Variants in EEF2K observed in about 807,000 individuals in gnomAD.
The protein encoded by EEF2K is eukaryotic elongation factor 2 kinase.
A neutral mutation model predicts 93.8 loss-of-function variants in EEF2K; 70 were observed. The ratio of observed to expected loss-of-function variants is 0.75; its 90% CI spans 0.62 to 0.91. The LOEUF is 0.91. Among genes scored for constraint, EEF2K ranks in the 40% least tolerant of loss-of-function variants. The pLI is 0.00. For missense variants in EEF2K, 935 were observed against 972.9 expected (o/e 0.96, Z 0.52); for synonymous variants, 376 against 380.8 (o/e 0.99, Z 0.15).
At chr16:22,259,579 G>A (rs2047442094) in intron 10 of EEF2K, among the ~76,000 whole-genome samples, 1 of 152,152 alleles carries the variant, frequency 6.6e-6, no homozygotes, top group Non-Finnish European at 1.5e-5. Context: ...TATTAAGTGA[G>A]TGGATGTGGC....
At chr16:22,250,733 C>T (rs375930269) in intron 5 of EEF2K, 42 bp downstream of exon 5, 9 of 1,612,934 alleles carry the variant, frequency 5.6e-6, no homozygotes, top group South Asian at 1.1e-5. Context: ...GCCCAGAGTC[C>T]CCCCAGGCTC....
intron 6 of EEF2K, among the ~76,000 whole-genome samples, chr16:22,256,335 T>C (rs1206396003): frequency 1.3e-5 from 2 of 151,972 alleles, no homozygotes; most frequent in Admixed American, 1.3e-4. Context: ...TGGCCTCAGG[T>C]GATCCACACA....
chr16:22,247,341 G>A (rs1341878742), intron 3 of EEF2K, among the ~76,000 whole-genome samples: 1 of 151,338 alleles, frequency 6.6e-6, no homozygotes, highest in Admixed American at 6.6e-5. Flanking sequence ...CCAGCTACTC[G>A]GAAGGCTGGA....
chr16:22,274,688 G>A (rs185842097), intron 16 of EEF2K, among the ~76,000 whole-genome samples: 6 of 152,166 alleles, frequency 3.9e-5, no homozygotes, highest in Admixed American at 3.3e-4. Context: ...GCTCACTGCA[G>A]CCTCTACCTC....
rs546864018 is a variant in EEF2K at position 22,259,856 on chromosome 16, G to C, written c.1232-606G>C. The stretch of plus-strand genomic sequence containing the variant: ...CAATCTCTACCTCCTGGGTTCAAGC[G>C]ATTCTCCTGCCTCAGCCTCCCAAGT... On this transcript the variant is annotated intron_variant, in intron 10 of 17. Transcript: ENST00000263026. Among the ~76,000 whole-genome samples, 3 of 152,010 alleles carry C rather than the reference G, an allele frequency of 2.0e-5. No homozygotes were observed. The South Asian group carries it at 6.2e-4, about 32-fold the overall frequency.
rs1034859782 is a variant in EEF2K at position 22,265,229 on chromosome 16, C to A, written c.1440+349C>A. On this transcript the variant is annotated intron_variant, in intron 13 of 17. Transcript: ENST00000263026. ...AGACAGGCTAATGTGACTCTCATCC[C>A]CATTTTATGTATGAGAAAACTGGGC... The A allele has an allele frequency of 1.5e-5, 3 of 199,364 alleles. No homozygotes were observed. The South Asian group carries it at 3.4e-4, about 23-fold the overall frequency. The allele number at this position is 199,364 out of a possible 1,614,324, so 12.3% of individuals were successfully genotyped here.
At chr16:22,280,663 C>CTTT (rs11289061) in intron 17 of EEF2K, among the ~76,000 whole-genome samples, 26 of 130,148 alleles carry the variant, frequency 2.0e-4, no homozygotes, top group African/African-American at 2.4e-4. Context: ...TCCTTTCTTT[C>CTTT]TTTTTTTTTT....
At chr16:22,245,853 C>T (rs1016461896) in intron 3 of EEF2K, among the ~76,000 whole-genome samples, 3 of 152,110 alleles carry the variant, frequency 2.0e-5, no homozygotes, top group Non-Finnish European at 4.4e-5. Flanking sequence ...AAATGTGTGG[C>T]GGTTTCTCCC....
At chr16:22,272,288 G>C (rs1341551856) in intron 15 of EEF2K, among the ~76,000 whole-genome samples, 1 of 152,188 alleles carries the variant, frequency 6.6e-6, no homozygotes, top group African/African-American at 2.4e-5. Context: ...CCAAATGTCT[G>C]TCAGTGGATG....
chr16:22,221,548 A>G (rs193110314), intron 1 of EEF2K, among the ~76,000 whole-genome samples: 15 of 152,222 alleles, frequency 9.9e-5, no homozygotes, highest in Non-Finnish European at 1.8e-4. Flanking sequence ...TTTACTGTCC[A>G]TTTTATAAGC....
intron 2 of EEF2K, among the ~76,000 whole-genome samples, chr16:22,234,096 C>G (rs536082472): frequency 6.6e-6 from 1 of 152,320 alleles, no homozygotes; most frequent in East Asian, 1.9e-4. Flanking sequence ...AGGACCCCCC[C>G]CAGAGGTGAA....
rs146761211 is a variant in EEF2K, at chr16:22,280,349, G to C, written c.2041G>C (p.Gly681Arg). 6.3e-6 allele frequency: 10 copies of C among 1,593,706 alleles called. No individual in the cohort carries two copies. In the South Asian group the frequency reaches 6.9e-5, roughly 11 times the overall value. Residue 681 changes from glycine to arginine, a missense_variant, in exon 17 of 18, where the codon GGG becomes CGG. By Grantham distance (125) the Gly-to-Arg change is moderately radical. Coordinates refer to ENST00000263026, the MANE Select transcript of EEF2K (RefSeq NM_013302.5). ...CGAGATGCTGTTCACAGGAGGCTAC[G>C]GGCTGGAGAAGGACCCGCAGAGATC... ...EAEMLFTGGY[G>R]LEKDPQRSGD... is the part of the protein sequence containing the mutation.
intron 15 of EEF2K, 109 bp from the exon 16 acceptor site, chr16:22,273,517 A>G: frequency 1.3e-6 from 2 of 1,511,248 alleles, no homozygotes; most frequent in Non-Finnish European, 1.8e-6. Context: ...TAGCCTCCCA[A>G]CCCGGAGCTC....
At chr16:22,269,879 C>T (rs2047559900) in intron 15 of EEF2K, among the ~76,000 whole-genome samples, 1 of 152,084 alleles carries the variant, frequency 6.6e-6, no homozygotes, top group African/African-American at 2.4e-5. Context: ...CACACACACT[C>T]CTGAACCTAG....
chr16:22,251,216 G>A lies in EEF2K; in HGVS notation c.512G>A (p.Arg171His), dbSNP rs777834802. 6.2e-6 allele frequency: 10 copies of A among 1,613,978 alleles called. No individual in the cohort carries two copies. The highest frequency in any genetic ancestry group is 2.2e-5 in the East Asian group (1 of 44,876). ...WKGASNYVAK[R>H]YIEPVDRDVY... ...GGCGCCTCCAACTACGTGGCGAAGCGCTACATCGAGCCCGTAGACCGGGAT... is the reference window on the plus strand; with the variant it reads ...GGCGCCTCCAACTACGTGGCGAAGCACTACATCGAGCCCGTAGACCGGGAT... The change falls in exon 6 of 18, where the codon CGC becomes CAC. Residue 171 changes from arginine (R) to histidine (H), a missense_variant. Transcript: ENST00000263026.
intron 9 of EEF2K, among the ~76,000 whole-genome samples, chr16:22,258,037 G>A (rs530377453): frequency 6.6e-6 from 1 of 152,290 alleles, no homozygotes; most frequent in East Asian, 1.9e-4. Flanking sequence ...GGCACGTGGA[G>A]ATAGTGAGAA....
intron 2 of EEF2K, among the ~76,000 whole-genome samples, chr16:22,229,041 AG>A (rs2047090949): frequency 6.6e-6 from 1 of 152,174 alleles, no homozygotes; most frequent in African/African-American, 2.4e-5. Flanking sequence ...CAGGAGGCTG[AG>A]GCAGAAGAAT....
chr16:22,247,154 C>T (rs2047303438), intron 3 of EEF2K, among the ~76,000 whole-genome samples: 2 of 145,740 alleles, frequency 1.4e-5, no homozygotes, highest in Non-Finnish European at 3.0e-5. Context: ...AAAAATATTA[C>T]TCTAGGCCAG....
intron 1 of EEF2K, among the ~76,000 whole-genome samples, chr16:22,215,080 A>G (rs1340910323): frequency 2.0e-5 from 3 of 152,154 alleles, no homozygotes; most frequent in African/African-American, 7.2e-5. Context: ...CAGAGGCTGA[A>G]GTGAAGTTAC....
Sources: gnomAD v4.1 joint callset for allele counts (sites outside exome capture counted in the v4.1 genomes callset) on GRCh38, gnomAD v4.1.1 for gene constraint, MANE v1.5 for transcripts, NCBI Gene and HGNC (gene_info 2026-07-23, HGNC 2026-07-21) for gene names.